The following TGS1 variants were observed in gnomAD, a reference collection of about 807,000 sequenced individuals.
The protein encoded by TGS1 is trimethylguanosine synthase.
TGS1 carries 69 observed loss-of-function variants against 92.2 expected under a neutral mutation model. That is an observed-to-expected ratio of 0.75 (90% CI 0.62 to 0.91). The LOEUF (loss-of-function observed/expected upper bound fraction) is 0.91. Ranked by LOEUF, TGS1 falls within the 40% of genes least tolerant of loss-of-function variation. The pLI is 0.00. For synonymous variants in TGS1, 345 were observed against 338.1 expected (o/e 1.02, Z -0.22); for missense variants, 1,062 against 1,001.2 (o/e 1.06, Z -0.82).
rs1395665410 is a variant in TGS1 at position 55,773,675 on chromosome 8, G to T, written c.57G>T (p.Arg19=). ...VAEMFLFIEE[R]EDCKILCLCS... is the part of the protein sequence containing the mutation. ...AAATGTTTCTCTTCATTGAGGAGCG[G>T]GAGGATTGTAAGATACTGTGCCTTT... Residue 19 remains arginine (R), a synonymous_variant, in exon 1 of 13, where the codon CGG becomes CGT. Coordinates refer to ENST00000260129, the MANE Select transcript of TGS1 (RefSeq NM_024831.8). 6.2e-7 allele frequency: 1 copy of T among 1,611,348 alleles called. No individual in the cohort carries two copies. The highest frequency in any genetic ancestry group is 8.5e-7 in the Non-Finnish European group (1 of 1,178,990).
rs370564738 is a variant in TGS1 at position 55,824,840 on chromosome 8, C to A, written c.*137C>A. 3 of 923,988 alleles carry A rather than the reference C, an allele frequency of 3.2e-6. No individual in the cohort carries two copies. The African/African-American group carries it at 5.1e-5, about 16-fold the overall frequency. The allele number at this position is 923,988 out of a possible 1,614,324, so 57.2% of individuals were successfully genotyped here. A position where few individuals can be genotyped will look rare whatever the true frequency, so the allele number is the denominator to read the frequency against. On this transcript the variant is annotated 3_prime_UTR_variant, in exon 13 of 13. Coordinates refer to ENST00000260129, the MANE Select transcript of TGS1 (RefSeq NM_024831.8). ...CCGTATGAAATGGAAACTTACAGGA[C>A]TTAAATATCAGTGAAATATTTTGAG...
intron 10 of TGS1, 42 bp from the exon 11 acceptor site, chr8:55,810,839 A>T (rs751850338): frequency 6.9e-6 from 10 of 1,457,314 alleles, no homozygotes; most frequent in Non-Finnish European, 6.7e-6. Flanking sequence ...ATAAGTAATA[A>T]TCAGTGTCAA....
chr8:55,805,601 A>C (rs1361144177), intron 10 of TGS1, among the ~76,000 whole-genome samples: 1 of 152,184 alleles, frequency 6.6e-6, no homozygotes, highest in Non-Finnish European at 1.5e-5. Context: ...AATTTTAAAA[A>C]TTGGCCAGGC....
intron 8 of TGS1, among the ~76,000 whole-genome samples, chr8:55,800,732 A>G (rs895275038): frequency 6.6e-6 from 1 of 152,212 alleles, no homozygotes; most frequent in African/African-American, 2.4e-5. Context: ...GCTATTGGTA[A>G]CACTTGTTTG....
rs1442354886 is a variant in TGS1, at chr8:55,782,079, C to T, written c.102-669C>T. On this transcript the variant is annotated intron_variant, in intron 1 of 12. Transcript: ENST00000260129. ...TAAATCTCTCCACTGTTATTCACAA[C>T]AAAATTTAGAGAACACCCCATTGTT... 4.6e-5 allele frequency among the ~76,000 whole-genome samples: 7 copies of T among 152,238 alleles called. No individual in the cohort carries two copies. The East Asian group carries it at 7.7e-4, about 17-fold the overall frequency.
At chr8:55,773,826 G>GA in intron 1 of TGS1, 107 bp downstream of exon 1, 1 of 872,808 alleles carries the variant, frequency 1.1e-6, no homozygotes, top group Non-Finnish European at 1.8e-6. Context: ...CAGAACATCT[G>GA]ACCCTTGGGC....
At chr8:55,816,825 A>G (rs947490486) in intron 12 of TGS1, among the ~76,000 whole-genome samples, 1 of 152,004 alleles carries the variant, frequency 6.6e-6, no homozygotes, top group African/African-American at 2.4e-5. Flanking sequence ...TATAAAATTG[A>G]TGTTAGATTT....
At chr8:55,812,973 A>G in intron 11 of TGS1, 67 bp from the exon 12 acceptor site, 2 of 1,195,984 alleles carry the variant, frequency 1.7e-6, no homozygotes, top group Non-Finnish European at 2.5e-6. Flanking sequence ...TATGATAAGT[A>G]AAACACATCT....
intron 10 of TGS1, among the ~76,000 whole-genome samples, chr8:55,806,497 AATAC>A (rs1158409336): frequency 1.3e-5 from 2 of 152,024 alleles, no homozygotes; most frequent in African/African-American, 2.4e-5. Flanking sequence ...TACTACATAT[AATAC>A]ATACAATGTA....
chr8:55,790,849 G>C (rs1350693162), intron 5 of TGS1, among the ~76,000 whole-genome samples: 1 of 152,138 alleles, frequency 6.6e-6, no homozygotes, highest in Non-Finnish European at 1.5e-5. Flanking sequence ...TCATCTATAA[G>C]ATTGGACTGA....
At chr8:55,817,868 A>G (rs1803527389) in intron 12 of TGS1, among the ~76,000 whole-genome samples, 1 of 152,208 alleles carries the variant, frequency 6.6e-6, no homozygotes, top group Non-Finnish European at 1.5e-5. Flanking sequence ...CTACACTAAC[A>G]ATACCCTGCA....
chr8:55,785,452 C>T lies in TGS1; in HGVS notation c.167-267C>T, dbSNP rs141811622. On this transcript the variant is annotated intron_variant, in intron 2 of 12. Coordinates refer to ENST00000260129, the MANE Select transcript of TGS1 (RefSeq NM_024831.8). Reference sequence around the variant, plus strand: ...AGGTGGCATGCAACTGTAATCCTAGCTGCTTGTGAGGCTGAGGCAAGAGGA... The same window carrying T: ...AGGTGGCATGCAACTGTAATCCTAGTTGCTTGTGAGGCTGAGGCAAGAGGA... 3.7e-4 allele frequency among the ~76,000 whole-genome samples: 57 copies of T among 152,112 alleles called. No homozygotes were observed. The East Asian group carries it at 0.011, about 29-fold the overall frequency.
chr8:55,809,821 A>G (rs539309393), intron 10 of TGS1, among the ~76,000 whole-genome samples: 1 of 152,340 alleles, frequency 6.6e-6, no homozygotes, highest in South Asian at 2.1e-4. Context: ...TACAGATGAA[A>G]ATAGGATTAA....
At chr8:55,803,125 G>GA (rs1812267232) in intron 9 of TGS1, among the ~76,000 whole-genome samples, 1 of 109,640 alleles carries the variant, frequency 9.1e-6, no homozygotes, top group African/African-American at 4.0e-5. Flanking sequence ...CCTTCAATTT[G>GA]GGGGGGTGTG....
chr8:55,818,790 T>C (rs1487089681), intron 12 of TGS1, among the ~76,000 whole-genome samples: 1 of 152,230 alleles, frequency 6.6e-6, no homozygotes, highest in Non-Finnish European at 1.5e-5. Flanking sequence ...ATCCAGCTCT[T>C]CTGGGCCACA....
intron 6 of TGS1, among the ~76,000 whole-genome samples, 172 bp from the exon 7 acceptor site, chr8:55,795,802 AAGTT>A (rs573266643): frequency 1.5e-4 from 23 of 152,318 alleles, no homozygotes; most frequent in African/African-American, 4.8e-4. Flanking sequence ...ATTAACATGA[AAGTT>A]AGACCATCAA....
chr8:55,815,236 G>T (rs1380838065), intron 12 of TGS1, among the ~76,000 whole-genome samples: 1 of 152,142 alleles, frequency 6.6e-6, no homozygotes, highest in Non-Finnish European at 1.5e-5. Flanking sequence ...AATTGGAGTT[G>T]GTGATTCATG....
In TGS1 at chr8:55,802,623, T is replaced by G. The variant is rs1350165755; in HGVS notation, c.1999+17T>G. 1 of 1,577,648 alleles carries G rather than the reference T, an allele frequency of 6.3e-7. No individual in the cohort carries two copies. Among genetic ancestry groups the G allele is most frequent in the South Asian group, 1.2e-5 (1 of 84,880 alleles). ...TGGACAGAGGTAAAGTATATATGTATTTTTTAGCTTTATTTTGAAACCACT... is the reference window on the plus strand; with the variant it reads ...TGGACAGAGGTAAAGTATATATGTAGTTTTTAGCTTTATTTTGAAACCACT... On this transcript the variant is annotated intron_variant, in intron 9 of 12. Transcript: ENST00000260129.
At chr8:55,821,535 C>G (rs1803633637) in intron 12 of TGS1, among the ~76,000 whole-genome samples, 1 of 152,076 alleles carries the variant, frequency 6.6e-6, no homozygotes, top group Non-Finnish European at 1.5e-5. Flanking sequence ...CCTACCTTCT[C>G]AGAAATTGGT....
Sources: allele counts gnomAD v4.1 joint callset (sites outside exome capture counted in the v4.1 genomes callset), GRCh38; gene constraint gnomAD v4.1.1; transcripts MANE v1.5; gene names NCBI Gene and HGNC (gene_info 2026-07-23, HGNC 2026-07-21).